The following FUBP1 variants were observed in gnomAD, a reference collection of about 807,000 sequenced individuals.
FUBP1 encodes the protein far upstream element-binding protein 1.
FUBP1 carries 16 observed loss-of-function variants against 94.9 expected under a neutral mutation model. The ratio of observed to expected loss-of-function variants is 0.17; its 90% CI spans 0.11 to 0.26. The LOEUF (loss-of-function observed/expected upper bound fraction) is 0.26, where lower values mean the gene tolerates loss of function less well. Ranked by LOEUF, FUBP1 falls within the 10% of genes least tolerant of loss-of-function variation. The pLI, the probability that FUBP1 is intolerant of heterozygous loss-of-function variation, is 1.00. For missense variants in FUBP1, 583 were observed against 808.6 expected, an observed-to-expected ratio of 0.72 and a Z score of 3.38; for synonymous variants, 279 against 254.9, an observed-to-expected ratio of 1.09 and a Z score of -0.90.
Position 77,945,970 on chromosome 1 carries a change from T to C in FUBP1, c.*2796A>G, listed in dbSNP as rs552996328. ...GATGCACATGCCTTTTATCAAAACA[T>C]ACTGCCTTATAACTTTTTCCTTCTT... On this transcript the variant is annotated 3_prime_UTR_variant, in exon 20 of 20. Transcript: ENST00000370768. 1 of 204,736 alleles carries C rather than the reference T, an allele frequency of 4.9e-6. No homozygotes were observed. Among genetic ancestry groups the C allele is most frequent in the African/African-American group, 2.3e-5 (1 of 43,880 alleles). The allele number at this position is 204,736 out of a possible 1,614,324, so 12.7% of individuals were successfully genotyped here.
Position 77,960,258 on chromosome 1 carries a change from G to T in FUBP1, c.1502C>A (p.Pro501His). 1 of 1,613,100 alleles carries T rather than the reference G, an allele frequency of 6.2e-7. No homozygotes were observed. The highest frequency in any genetic ancestry group is 8.5e-7 in the Non-Finnish European group (1 of 1,179,458). ...PGPPGPAPHG[P>H]PAPYAPQGWG... ...TCCCTGGGGAGCATATGGGGCTGGA[G>T]GACCACTGAAAAGAAAAATCAGCAT... The change falls in exon 16 of 20, where the codon CCT becomes CAT. Residue 501 changes from proline to histidine, a missense_variant. Transcript: ENST00000370768.
intron 17 of FUBP1, among the ~76,000 whole-genome samples, chr1:77,956,100 G>A (rs750720): frequency 0.11 from 16,112 of 152,084 alleles, 990 homozygotes; most frequent in Admixed American, 0.19. Flanking sequence ...GCAAAAATCA[G>A]AAATCCATAA....
Position 77,947,144 on chromosome 1 carries a change from T to C in FUBP1, c.*1622A>G, listed in dbSNP as rs910937605. 7 of 208,354 alleles carry C rather than the reference T, an allele frequency of 3.4e-5. No individual in the cohort carries two copies. Among genetic ancestry groups the C allele is most frequent in the African/African-American group, 6.9e-5 (3 of 43,720 alleles). 12.9% of individuals were successfully genotyped at this position (208,354 alleles called of 1,614,324 possible). On this transcript the variant is annotated 3_prime_UTR_variant, in exon 20 of 20. Coordinates refer to ENST00000370768, the MANE Select transcript of FUBP1 (RefSeq NM_003902.5). ...ACTTTCATATTAAATATAGAAGATA[T>C]GCATATTTTACACTGAAAAACAATA...
intron 1 of FUBP1, among the ~76,000 whole-genome samples, chr1:77,977,505 G>A (rs1385208276): frequency 6.6e-6 from 1 of 152,156 alleles, no homozygotes; most frequent in East Asian, 1.9e-4. Context: ...CAGTCTGGGC[G>A]ACAGAGGGAG....
chr1:77,961,465 T>G (rs1557441156), intron 14 of FUBP1, among the ~76,000 whole-genome samples: 1 of 152,218 alleles, frequency 6.6e-6, no homozygotes, highest in South Asian at 2.1e-4. Flanking sequence ...CAACATTTTT[T>G]AGGGTTATGT....
intron 1 of FUBP1, among the ~76,000 whole-genome samples, chr1:77,977,276 C>T (rs1022842505): frequency 4.5e-4 from 68 of 152,072 alleles, no homozygotes; most frequent in Non-Finnish European, 1.2e-4. Flanking sequence ...GAGGCCAAGA[C>T]GGGCGGATCA....
chr1:77,971,456 T>C (rs1657518875), intron 1 of FUBP1, among the ~76,000 whole-genome samples: 1 of 152,162 alleles, frequency 6.6e-6, no homozygotes, highest in Non-Finnish European at 1.5e-5. Flanking sequence ...AAGTCATAAA[T>C]TCAACATGGA....
chr1:77,957,761 C>T (rs1654736781), intron 16 of FUBP1, among the ~76,000 whole-genome samples: 1 of 151,718 alleles, frequency 6.6e-6, no homozygotes, highest in Non-Finnish European at 1.5e-5. Context: ...TTCTCAATTG[C>T]CCAATGTACT....
At chr1:77,956,515 CATAT>C (rs1434500266) in intron 17 of FUBP1, 53 bp downstream of exon 17, 1 of 1,233,478 alleles carries the variant, frequency 8.1e-7, no homozygotes, top group Non-Finnish European at 1.2e-6. Context: ...TGATGTACTT[CATAT>C]ATAATTCCAA....
intron 11 of FUBP1, 27 bp downstream of exon 11, chr1:77,964,227 A>C (rs987648216): frequency 6.5e-7 from 1 of 1,549,006 alleles, no homozygotes; most frequent in Non-Finnish European, 8.9e-7. Flanking sequence ...TGCTGCCAAC[A>C]CTTACAAGAT....
At chr1:77,966,615 A>C in intron 7 of FUBP1, 79 bp downstream of exon 7, 2 of 777,036 alleles carry the variant, frequency 2.6e-6, no homozygotes, top group Non-Finnish European at 4.5e-6. Flanking sequence ...AAAATAAAGC[A>C]GTAACAAAGA....
chr1:77,964,040 A>G, intron 12 of FUBP1, 22 bp downstream of exon 12: 1 of 1,374,392 alleles, frequency 7.3e-7, no homozygotes, highest in Non-Finnish European at 1.0e-6. Context: ...CAAAAAATGA[A>G]AATGTTAACT....
Position 77,947,115 on chromosome 1 carries a change from C to T in FUBP1, c.*1651G>A. 4.8e-6 allele frequency: 1 copy of T among 206,226 alleles called. No individual in the cohort carries two copies. Among genetic ancestry groups the T allele is most frequent in the Non-Finnish European group, 9.9e-6 (1 of 100,854 alleles). 12.8% of individuals were successfully genotyped at this position (206,226 alleles called of 1,614,324 possible). A position where few individuals can be genotyped will look rare whatever the true frequency, so the allele number is the denominator to read the frequency against. On this transcript the variant is annotated 3_prime_UTR_variant, in exon 20 of 20. Transcript: ENST00000370768. ...AAATCCCCTTCTGTCTGATACATTT[C>T]AAGACTTTCATATTAAATATAGAAG...
chr1:77,959,160 T>C (rs1654999543), intron 16 of FUBP1, among the ~76,000 whole-genome samples: 1 of 152,174 alleles, frequency 6.6e-6, no homozygotes, highest in African/African-American at 2.4e-5. Flanking sequence ...GTGTAGAAAG[T>C]ATTCCATAAT....
At position 77,962,876 on chromosome 1, in the gene FUBP1, T is replaced by C; in HGVS notation, c.1238A>G (p.Gln413Arg). ...SQQSGARIEL[Q>R]RNPPPNADPN... Reference sequence around the variant, plus strand: ...ATCTGCATTTGGTGGAGGATTTCTCTGAAGTTCTATTCTTGCACCAGACTG... The same window carrying C: ...ATCTGCATTTGGTGGAGGATTTCTCCGAAGTTCTATTCTTGCACCAGACTG... Residue 413 changes from glutamine (Q) to arginine (R), a missense_variant, in exon 14 of 20, where the codon CAG (glutamine) becomes CGG (arginine). By Grantham distance (43) the Gln-to-Arg change is conservative. Coordinates refer to ENST00000370768, the MANE Select transcript of FUBP1 (RefSeq NM_003902.5). 1 of 1,612,782 alleles carries C rather than the reference T, an allele frequency of 6.2e-7. No individual in the cohort carries two copies. Among genetic ancestry groups the C allele is most frequent in the South Asian group, 1.1e-5 (1 of 91,040 alleles).
chr1:77,966,553 CT>C, intron 7 of FUBP1, 140 bp downstream of exon 7: 1 of 624,072 alleles, frequency 1.6e-6, no homozygotes, highest in Non-Finnish European at 2.9e-6. Flanking sequence ...GAGGCATAAA[CT>C]TCAAAGGAGT....
chr1:77,970,262 C>T (rs868011005), intron 1 of FUBP1, among the ~76,000 whole-genome samples: 1 of 152,130 alleles, frequency 6.6e-6, no homozygotes, highest in Admixed American at 6.5e-5. Flanking sequence ...AAGTAATCAA[C>T]TAGGAATCCG....
chr1:77,970,276 G>A (rs1176819975), intron 1 of FUBP1, among the ~76,000 whole-genome samples: 1 of 151,932 alleles, frequency 6.6e-6, no homozygotes, highest in Non-Finnish European at 1.5e-5. Flanking sequence ...GAATCCGGAA[G>A]AGAGACCAGA....
chr1:77,966,939 A>G lies in FUBP1; in HGVS notation c.360T>C (p.Gly120=), dbSNP rs1342177751. The change falls in exon 6 of 20, where the codon GGT becomes GGC. Residue 120 remains glycine, a synonymous_variant. Transcript: ENST00000370768. ...CCTGTTGTATGCGTGAGATCTGTTC[A>G]CCTCCTCTGCCAATTACTAGTTAGA... ...GMVGFIIGRG[G]EQISRIQQES... The G allele has an allele frequency of 1.2e-6, 2 of 1,602,878 alleles. No homozygotes were observed. The highest frequency in any genetic ancestry group is 1.7e-6 in the Non-Finnish European group (2 of 1,171,176).
Sources: gnomAD v4.1 joint callset for allele counts (sites outside exome capture counted in the v4.1 genomes callset) on GRCh38, gnomAD v4.1.1 for gene constraint, MANE v1.5 for transcripts, NCBI Gene and HGNC (gene_info 2026-07-23, HGNC 2026-07-21) for gene names.